Variants in FRMD3 observed in about 807,000 individuals in gnomAD.
The protein encoded by FRMD3 is FERM domain containing 3, also known as FERM domain-containing protein 3.
FRMD3 carries 33 observed loss-of-function variants against 70.2 expected under a neutral mutation model. The ratio of observed to expected loss-of-function variants is 0.47; its 90% CI spans 0.36 to 0.63. FRMD3 has a LOEUF of 0.63. Among genes scored for constraint, FRMD3 ranks in the 20% least tolerant of loss-of-function variants. FRMD3 has a pLI of 0.00. For missense variants in FRMD3, 632 were observed against 711.4 expected, an observed-to-expected ratio of 0.89 and a Z score of 1.27; for synonymous variants, 279 against 255.9, an observed-to-expected ratio of 1.09 and a Z score of -0.86.
chr9:83,512,919 A>C (rs766433845), intron 1 of FRMD3, among the ~76,000 whole-genome samples: 44 of 152,214 alleles, frequency 2.9e-4, no homozygotes, highest in Admixed American at 6.5e-4. Flanking sequence ...GGGAGCACAC[A>C]GATGATTCTT....
At chr9:83,416,759 C>CTCTCTCTCTCTG (rs1564067034) in intron 1 of FRMD3, among the ~76,000 whole-genome samples, 21 of 111,542 alleles carry the variant, frequency 1.9e-4, no homozygotes, top group African/African-American at 8.3e-4. Flanking sequence ...CTCTCTCTCT[C>CTCTCTCTCTCTG]TCTCTCTCTC....
At chr9:83,280,207 T>A (rs1256824653) in intron 13 of FRMD3, among the ~76,000 whole-genome samples, 1 of 152,150 alleles carries the variant, frequency 6.6e-6, no homozygotes, top group Non-Finnish European at 1.5e-5. Flanking sequence ...ACGTGCCAGA[T>A]AAGAAGTAAA....
chr9:83,248,639 T>C (rs1832250583), intron 13 of FRMD3, 123 bp from the exon 14 acceptor site: 1 of 1,052,404 alleles, frequency 9.5e-7, no homozygotes. Flanking sequence ...TATTCTGTGG[T>C]ATCCTAAGTT....
chr9:83,538,191 G>T lies in FRMD3; in HGVS notation c.41C>A (p.Thr14Asn). ...SCHCVPRGRR[T>N]MKMIHFRSSS... ...GCTCCGAAAGTGGATCATTTTCATGGTCCTCCTGCCTCTCGGCACACAGTG... is the reference window on the plus strand; with the variant it reads ...GCTCCGAAAGTGGATCATTTTCATGTTCCTCCTGCCTCTCGGCACACAGTG... Residue 14 changes from threonine (T) to asparagine (N), a missense_variant, in exon 1 of 14, where the codon ACC becomes AAC. This residue lies in a region of FRMD3 where 208 missense variants were observed against 247.7 expected (regional missense o/e 0.84). Coordinates refer to ENST00000304195, the MANE Select transcript of FRMD3 (RefSeq NM_174938.6). The surrounding 1 kb of genome is among the most constrained non-coding windows in gnomAD (Gnocchi z 4.7). 1.2e-6 allele frequency: 2 copies of T among 1,602,436 alleles called. No homozygotes were observed. The highest frequency in any genetic ancestry group is 1.7e-6 in the Non-Finnish European group (2 of 1,174,052).
chr9:83,446,519 C>T (rs903812543), intron 1 of FRMD3, among the ~76,000 whole-genome samples: 12 of 151,920 alleles, frequency 7.9e-5, no homozygotes, highest in East Asian at 1.9e-4. Flanking sequence ...CGGTGGCGGG[C>T]GCCTGTAGTC....
Position 83,246,803 on chromosome 9 carries a change from T to C in FRMD3, c.*1115A>G. The C allele has an allele frequency of 1.0e-6, 1 of 985,370 alleles. No individual in the cohort carries two copies. The highest frequency in any genetic ancestry group is 1.2e-6 in the Non-Finnish European group (1 of 829,918). 61.0% of individuals were successfully genotyped at this position (985,370 alleles called of 1,614,324 possible). ...ACTTTTATTTAGATCCACTTAAACA[T>C]GTTCATGTTAACTCAGACAGCGACT... On this transcript the variant is annotated 3_prime_UTR_variant, in exon 14 of 14. Transcript: ENST00000304195.
At chr9:83,324,201 C>A (rs977310310) in intron 6 of FRMD3, among the ~76,000 whole-genome samples, 4 of 152,132 alleles carry the variant, frequency 2.6e-5, no homozygotes, top group African/African-American at 9.7e-5. Flanking sequence ...CACGAGAATA[C>A]AGTATGAGTC....
chr9:83,353,513 T>G (rs1198016564), intron 3 of FRMD3, among the ~76,000 whole-genome samples: 2 of 152,168 alleles, frequency 1.3e-5, no homozygotes, highest in Non-Finnish European at 2.9e-5. Flanking sequence ...TCCCCAGAGC[T>G]GATTATTGAT....
intron 2 of FRMD3, among the ~76,000 whole-genome samples, chr9:83,375,858 CT>C (rs1193320349): frequency 6.6e-6 from 1 of 152,108 alleles, no homozygotes; most frequent in Non-Finnish European, 1.5e-5. Context: ...ACATGTACCC[CT>C]AACTTAAAAG....
At chr9:83,349,881 A>T (rs1587755737) in intron 3 of FRMD3, 124 bp from the exon 4 acceptor site, 99 of 525,210 alleles carry the variant, frequency 1.9e-4, no homozygotes, top group Non-Finnish European at 2.1e-4. Context: ...GGAGGGGGTG[A>T]TTGTTTTGGA....
chr9:83,516,382 T>A (rs1225729463), intron 1 of FRMD3, among the ~76,000 whole-genome samples: 1 of 151,862 alleles, frequency 6.6e-6, no homozygotes, highest in African/African-American at 2.4e-5. Context: ...AGAAGGGCAT[T>A]ACATAATGGT....
chr9:83,467,608 T>C, intron 1 of FRMD3: 1 of 1,499,000 alleles, frequency 6.7e-7, no homozygotes, highest in Non-Finnish European at 9.0e-7. Context: ...TTTAGCTGAC[T>C]GACACATACC....
At chr9:83,513,065 G>A (rs1829374585) in intron 1 of FRMD3, among the ~76,000 whole-genome samples, 1 of 152,204 alleles carries the variant, frequency 6.6e-6, no homozygotes, top group Admixed American at 6.5e-5. Context: ...GAATAAGGGT[G>A]CTTAGAGAAA....
intron 13 of FRMD3, 50 bp downstream of exon 13, chr9:83,290,553 T>A (rs1406414119): frequency 2.5e-6 from 4 of 1,611,894 alleles, no homozygotes; most frequent in Admixed American, 1.7e-5. Context: ...CCTTGTTTTT[T>A]CCAGAGGAAG....
In FRMD3 at chr9:83,335,642, G is replaced by C; in HGVS notation, c.473-3C>G. 1 of 1,609,816 alleles carries C rather than the reference G, an allele frequency of 6.2e-7. No homozygotes were observed. Among genetic ancestry groups the C allele is most frequent in the Non-Finnish European group, 8.5e-7 (1 of 1,178,104 alleles). On this transcript the variant is annotated splice_polypyrimidine_tract_variant and splice_region_variant and intron_variant, in intron 5 of 13. Coordinates refer to ENST00000304195, the MANE Select transcript of FRMD3 (RefSeq NM_174938.6). ...AGGATCGTAATCACCAAGCTCAGCTGTAATGAGTGAAAAAATAAAGAGACA... is the reference window on the plus strand; with the variant it reads ...AGGATCGTAATCACCAAGCTCAGCTCTAATGAGTGAAAAAATAAAGAGACA...
At chr9:83,567,765 T>C in the FRMD3 span, among the ~76,000 whole-genome samples, 9 of 152,298 alleles carry the variant, frequency 5.9e-5, no homozygotes, top group South Asian at 1.9e-3. Context: ...TCCTCATCTC[T>C]ATATGAGACC....
At chr9:83,521,533 T>A (rs187311405) in intron 1 of FRMD3, among the ~76,000 whole-genome samples, 1 of 152,076 alleles carries the variant, frequency 6.6e-6, no homozygotes, top group African/African-American at 2.4e-5. Context: ...TGCCTCAGGG[T>A]GGGGCTTTTC....
At chr9:83,482,606 G>T (rs1436301450) in intron 1 of FRMD3, among the ~76,000 whole-genome samples, 1 of 152,178 alleles carries the variant, frequency 6.6e-6, no homozygotes, top group African/African-American at 2.4e-5. Flanking sequence ...ACAAGACGAT[G>T]ATTGGTATAC....
At chr9:83,267,590 C>T (rs961262329) in intron 13 of FRMD3, among the ~76,000 whole-genome samples, 7 of 151,996 alleles carry the variant, frequency 4.6e-5, no homozygotes, top group Non-Finnish European at 1.0e-4. Flanking sequence ...GATTATAACA[C>T]AAGCCACTTC....
Sources: gnomAD v4.1 joint callset for allele counts (sites outside exome capture counted in the v4.1 genomes callset) on GRCh38, gnomAD v4.1.1 for gene constraint, gnomAD v4.1.1 regional missense constraint, Gnocchi (gnomAD v3.1) non-coding constraint, MANE v1.5 for transcripts, NCBI Gene and HGNC (gene_info 2026-07-23, HGNC 2026-07-21) for gene names.